CHD2: variants seen among roughly 807,000 people sequenced by gnomAD.
CHD2 encodes ATP-dependent chromatin remodeler CHD2.
A neutral mutation model predicts 243.9 loss-of-function variants in CHD2; 28 were observed. That is an observed-to-expected ratio of 0.11 (90% CI 0.09 to 0.16). The LOEUF is 0.16. Among genes scored for constraint, CHD2 ranks in the 10% least tolerant of loss-of-function variants. CHD2 has a pLI of 1.00. For synonymous variants in CHD2, 775 were observed against 779.0 expected (o/e 0.99, Z 0.09); for missense variants, 1,386 against 2,209.8 (o/e 0.63, Z 7.47).
intron 16 of CHD2, among the ~76,000 whole-genome samples, chr15:92,957,975 T>C (rs1280849245): frequency 6.6e-6 from 1 of 152,224 alleles, no homozygotes; most frequent in Non-Finnish European, 1.5e-5. Flanking sequence ...GATTCATTCA[T>C]GTCAGAGTCT....
chr15:92,949,309 G>T (rs996555920), intron 13 of CHD2: 2 of 1,155,348 alleles, frequency 1.7e-6, no homozygotes, highest in East Asian at 3.4e-5. Flanking sequence ...TCATTATTTG[G>T]TGGGTAATTT....
rs577287486 is a variant in CHD2 at position 92,904,644 on chromosome 15, T to G, written c.62+3345T>G. On this transcript the variant is annotated intron_variant, in intron 2 of 38. Coordinates refer to ENST00000394196, the MANE Select transcript of CHD2 (RefSeq NM_001271.4). The stretch of plus-strand genomic sequence containing the variant: ...ATTTCCGGGAATGGTTTATCCTCTT[T>G]GAGAAGCGGCTGCTTTTGGAGAAAA... 1.2e-4 allele frequency: 151 copies of G among 1,259,446 alleles called. No homozygotes were observed. The South Asian group carries it at 2.3e-3, about 19-fold the overall frequency. 78.0% of individuals were successfully genotyped at this position (1,259,446 alleles called of 1,614,324 possible). A position where few individuals can be genotyped will look rare whatever the true frequency, so the allele number is the denominator to read the frequency against.
intron 5 of CHD2, among the ~76,000 whole-genome samples, chr15:92,936,396 G>GT (rs1218554177): frequency 6.6e-6 from 1 of 152,196 alleles, no homozygotes; most frequent in African/African-American, 2.4e-5. Context: ...TTGCCTGTCA[G>GT]TTTTTTCCTA....
chr15:93,014,384 A>T (rs1016638685), intron 36 of CHD2, among the ~76,000 whole-genome samples: 1 of 152,178 alleles, frequency 6.6e-6, no homozygotes, highest in African/African-American at 2.4e-5. Context: ...ATGGTCCAGG[A>T]TGATCCTCTG....
chr15:92,945,709 C>G, intron 10 of CHD2, 112 bp from the exon 11 acceptor site: 13 of 504,784 alleles, frequency 2.6e-5, no homozygotes, highest in East Asian at 3.9e-5. Flanking sequence ...TTTTTTTTTT[C>G]TTTTTTAAGG....
chr15:92,985,715 C>T lies in CHD2; in HGVS notation c.3413+42C>T, dbSNP rs369778948. On this transcript the variant is annotated intron_variant, in intron 26 of 38. Coordinates refer to ENST00000394196, the MANE Select transcript of CHD2 (RefSeq NM_001271.4). ...TTCTCACTGAGCTTGTTTGAAAGTGCGTACTGTAAGTCTTGGGTTGACTGG... is the reference window on the plus strand; with the variant it reads ...TTCTCACTGAGCTTGTTTGAAAGTGTGTACTGTAAGTCTTGGGTTGACTGG... 5.4e-4 allele frequency: 857 copies of T among 1,572,968 alleles called. 2 individuals carry two copies. The highest frequency in any genetic ancestry group is 5.1e-3 in the African/African-American group (380 of 74,420).
chr15:93,021,247 A>G (rs2054531638), intron 38 of CHD2: 1 of 151,882 alleles, frequency 6.6e-6, no homozygotes, highest in Non-Finnish European at 1.5e-5. Flanking sequence ...ATTTACTTGC[A>G]TTGTTTTGTG....
At chr15:92,957,798 C>T (rs148357470) in intron 16 of CHD2, among the ~76,000 whole-genome samples, 1 of 152,048 alleles carries the variant, frequency 6.6e-6, no homozygotes, top group Non-Finnish European at 1.5e-5. Flanking sequence ...CCAAAAAGTT[C>T]CCCCTTGCTT....
intron 2 of CHD2, among the ~76,000 whole-genome samples, chr15:92,908,517 C>A (rs2141711722): frequency 1.3e-5 from 2 of 152,274 alleles, no homozygotes; most frequent in East Asian, 3.9e-4. Context: ...CAGTGTCCAT[C>A]CCTGCCCCTA....
rs1041195365 is a variant in CHD2 at position 93,024,830 on chromosome 15, C to G, written c.*125C>G. ...TGGACATGCTGCTGCTGTCAACTCA[C>G]TGGCTGAAGGAGCACTTCAAGGAAT... is the stretch of plus-strand genomic sequence containing the variant. On this transcript the variant is annotated 3_prime_UTR_variant, in exon 39 of 39. Coordinates refer to ENST00000394196, the MANE Select transcript of CHD2 (RefSeq NM_001271.4). 1.5e-5 allele frequency: 12 copies of G among 814,640 alleles called. No homozygotes were observed. In the African/African-American group the frequency reaches 1.9e-4, roughly 13 times the overall value. 50.5% of individuals were successfully genotyped at this position (814,640 alleles called of 1,614,324 possible). A position where few individuals can be genotyped will look rare whatever the true frequency, so the allele number is the denominator to read the frequency against.
intron 2 of CHD2, chr15:92,904,983 T>G: frequency 6.5e-7 from 1 of 1,536,110 alleles, no homozygotes. Context: ...ATTTTCTCAG[T>G]TGGCATTTGA....
chr15:92,984,592 T>C, intron 25 of CHD2, 92 bp downstream of exon 25: 2 of 1,225,746 alleles, frequency 1.6e-6, no homozygotes, highest in Non-Finnish European at 1.1e-6. Flanking sequence ...CTTGCATTGT[T>C]CCCCTGACAC....
At chr15:92,902,069 A>G (rs188329942) in intron 2 of CHD2, 90 of 396,236 alleles carry the variant, frequency 2.3e-4, no homozygotes, top group Admixed American at 1.7e-3. Flanking sequence ...AATTATTTTA[A>G]GGTTTGCATT....
At chr15:93,008,357 G>A (rs1020458877) in intron 34 of CHD2, among the ~76,000 whole-genome samples, 27 of 152,182 alleles carry the variant, frequency 1.8e-4, no homozygotes, top group African/African-American at 6.5e-4. Flanking sequence ...TATATTTGCT[G>A]CTGGTTGGAG....
At chr15:92,901,918 A>T in intron 2 of CHD2, 1 of 344,186 alleles carries the variant, frequency 2.9e-6, no homozygotes, top group Non-Finnish European at 5.2e-6. Flanking sequence ...TGATTTATCA[A>T]AACCTTTACT....
intron 3 of CHD2, among the ~76,000 whole-genome samples, chr15:92,924,786 G>A (rs891384401): frequency 6.6e-6 from 1 of 152,046 alleles, no homozygotes; most frequent in East Asian, 1.9e-4. Flanking sequence ...ATTTTTATAC[G>A]CTTGGTTTTT....
chr15:92,951,975 T>G (rs2053559989), intron 13 of CHD2, among the ~76,000 whole-genome samples: 1 of 152,196 alleles, frequency 6.6e-6, no homozygotes, highest in Non-Finnish European at 1.5e-5. Context: ...ATAAATTACT[T>G]TTAGTTCTTT....
intron 6 of CHD2, 53 bp downstream of exon 6, chr15:92,937,678 T>A: frequency 2.3e-6 from 3 of 1,311,076 alleles, no homozygotes; most frequent in Non-Finnish European, 3.3e-6. Flanking sequence ...CTGCTGTAGA[T>A]TGGGAAGGAT....
Position 93,027,727 on chromosome 15 carries a change from G to A in CHD2, c.*3022G>A, listed in dbSNP as rs2054597416. 1 of 152,672 alleles carries A rather than the reference G, an allele frequency of 6.5e-6. No homozygotes were observed. The highest frequency in any genetic ancestry group is 2.1e-4 in the South Asian group (1 of 4,830). The allele number at this position is 152,672 out of a possible 1,614,324, so 9.5% of individuals were successfully genotyped here. ...TCTGAGGGCTGCCACGTTGGGCGAG[G>A]GGAGCCATGCCAAGGGTCCAGGCTG... is the stretch of plus-strand genomic sequence containing the variant. On this transcript the variant is annotated 3_prime_UTR_variant, in exon 39 of 39. Coordinates refer to ENST00000394196, the MANE Select transcript of CHD2 (RefSeq NM_001271.4).
Sources: allele counts gnomAD v4.1 joint callset (sites outside exome capture counted in the v4.1 genomes callset), GRCh38; gene constraint gnomAD v4.1.1; transcripts MANE v1.5; gene names NCBI Gene and HGNC (gene_info 2026-07-23, HGNC 2026-07-21).